Variants in NCK2 observed in about 807,000 individuals in gnomAD.
NCK2 encodes NCK adaptor protein 2.
A neutral mutation model predicts 33.9 loss-of-function variants in NCK2; 16 were observed. The observed-to-expected ratio is 0.47, with a 90% CI of 0.32 to 0.72. The LOEUF (loss-of-function observed/expected upper bound fraction) is 0.72. Among genes scored for constraint, NCK2 ranks in the 30% least tolerant of loss-of-function variants. The pLI is 0.03. For synonymous variants in NCK2, 273 were observed against 239.9 expected, an observed-to-expected ratio of 1.14 and a Z score of -1.27; for missense variants, 418 against 537.3, an observed-to-expected ratio of 0.78 and a Z score of 2.19.
chr2:105,847,871 T>C (rs1676912499), intron 2 of NCK2, among the ~76,000 whole-genome samples: 1 of 152,200 alleles, frequency 6.6e-6, no homozygotes, highest in South Asian at 2.1e-4. Context: ...TACAAGCTGA[T>C]AGCATTAGCA....
chr2:105,810,911 C>T lies in NCK2; in HGVS notation c.-200-5519C>T, dbSNP rs555098559. Among the ~76,000 whole-genome samples the T allele has an allele frequency of 3.3e-5, 5 of 152,264 alleles. No homozygotes were observed. The South Asian group carries it at 1.0e-3, about 32-fold the overall frequency. On this transcript the variant is annotated intron_variant, in intron 1 of 4. Coordinates refer to ENST00000233154, the MANE Select transcript of NCK2 (RefSeq NM_003581.5). ...CGGCTATGGGCCAGGTGCAGTGGCTCACACCTGTAATCTCAGCACTTTGGG... is the reference window on the plus strand; with the variant it reads ...CGGCTATGGGCCAGGTGCAGTGGCTTACACCTGTAATCTCAGCACTTTGGG...
chr2:105,888,707 C>T (rs532615914), intron 4 of NCK2, among the ~76,000 whole-genome samples: 15 of 152,294 alleles, frequency 9.8e-5, no homozygotes, highest in African/African-American at 3.1e-4. Context: ...GGGCAGCTTC[C>T]GAGATGGGCA....
At chr2:105,817,361 G>A (rs1020913436) in intron 2 of NCK2, among the ~76,000 whole-genome samples, 27 of 152,252 alleles carry the variant, frequency 1.8e-4, no homozygotes, top group Non-Finnish European at 3.1e-4. Flanking sequence ...ACATGTCACT[G>A]TGCAACAAAA....
chr2:105,809,989 T>C (rs1272128347), intron 1 of NCK2, among the ~76,000 whole-genome samples: 2 of 152,012 alleles, frequency 1.3e-5, no homozygotes, highest in Non-Finnish European at 2.9e-5. Context: ...GATGTCAGAA[T>C]GGGCCTGAAA....
At chr2:105,833,655 T>A (rs1676281844) in intron 2 of NCK2, among the ~76,000 whole-genome samples, 1 of 147,334 alleles carries the variant, frequency 6.8e-6, no homozygotes, top group Non-Finnish European at 1.5e-5. Flanking sequence ...TTTATTTAAT[T>A]GATTTTTTGC....
At chr2:105,751,038 A>G (rs1261777748) in intron 1 of NCK2, among the ~76,000 whole-genome samples, 2 of 152,220 alleles carry the variant, frequency 1.3e-5, no homozygotes, top group Non-Finnish European at 2.9e-5. Flanking sequence ...GACATAAGGC[A>G]GGGGCAATGC....
At chr2:105,779,691 G>A (rs994705356) in intron 1 of NCK2, among the ~76,000 whole-genome samples, 13 of 152,032 alleles carry the variant, frequency 8.6e-5, no homozygotes, top group African/African-American at 2.7e-4. Flanking sequence ...AAAGAGCTTT[G>A]ATTTTTTTTT....
At chr2:105,867,513 G>A (rs1487237392) in intron 3 of NCK2, among the ~76,000 whole-genome samples, 3 of 152,192 alleles carry the variant, frequency 2.0e-5, no homozygotes, top group African/African-American at 7.2e-5. Context: ...AGATTAGTGG[G>A]AGGATACTTC....
intron 3 of NCK2, among the ~76,000 whole-genome samples, chr2:105,876,955 A>G (rs1028268032): frequency 6.6e-6 from 1 of 152,110 alleles, no homozygotes; most frequent in African/African-American, 2.4e-5. Context: ...CCAGACATGC[A>G]TGAATCCCTG....
intron 3 of NCK2, among the ~76,000 whole-genome samples, chr2:105,857,876 C>A (rs1210065218): frequency 6.6e-6 from 1 of 152,110 alleles, no homozygotes; most frequent in Admixed American, 6.6e-5. Context: ...GAGGAGGCAC[C>A]CCCGATCAGG....
intron 3 of NCK2, among the ~76,000 whole-genome samples, chr2:105,858,058 GTT>G (rs70953539): frequency 2.8e-5 from 4 of 143,046 alleles, no homozygotes; most frequent in Admixed American, 6.9e-5. Flanking sequence ...TTTTTTTTTT[GTT>G]TTTTTTTTTG....
chr2:105,753,282 T>TA, intron 1 of NCK2, among the ~76,000 whole-genome samples: 1 of 152,186 alleles, frequency 6.6e-6, no homozygotes, highest in African/African-American at 2.4e-5. Flanking sequence ...AATGAATAAC[T>TA]GGTACCTTGG....
chr2:105,789,941 T>C (rs192770376), intron 1 of NCK2, among the ~76,000 whole-genome samples: 3 of 152,300 alleles, frequency 2.0e-5, no homozygotes, highest in Admixed American at 2.0e-4. Context: ...CACGAATGGA[T>C]GTTGTGTTTT....
rs1678492542 is a variant in NCK2, at chr2:105,881,643, G to A, written c.542G>A (p.Ser181Asn). 2 of 1,613,336 alleles carry A rather than the reference G, an allele frequency of 1.2e-6. No homozygotes were observed. Among genetic ancestry groups the A allele is most frequent in the African/African-American group, 1.3e-5 (1 of 74,938 alleles). The change falls in exon 4 of 5, where the codon AGC becomes AAC. Residue 181 changes from serine (S) to asparagine (N), a missense_variant. Physicochemically the swap from Ser to Asn is conservative, Grantham distance 46 (BLOSUM62 1). Transcript: ENST00000233154. The part of the protein sequence containing the change: ...EAAAESPSFL[S>N]LRKGASLSNG... The stretch of plus-strand genomic sequence containing the variant: ...GCTGCGGAGTCCCCAAGCTTCCTGA[G>A]CCTGCGCAAGGGCGCCTCGCTGAGC...
intron 3 of NCK2, among the ~76,000 whole-genome samples, chr2:105,870,824 A>G (rs1677968865): frequency 6.6e-6 from 1 of 152,198 alleles, no homozygotes. Context: ...AGGGTGGTTC[A>G]GGAAATAATG....
intron 2 of NCK2, among the ~76,000 whole-genome samples, chr2:105,833,900 C>A (rs1316470411): frequency 6.6e-6 from 1 of 152,094 alleles, no homozygotes; most frequent in Non-Finnish European, 1.5e-5. Flanking sequence ...TTAATTTCTT[C>A]ATTGACTCAT....
intron 1 of NCK2, among the ~76,000 whole-genome samples, chr2:105,803,176 A>G (rs1476506812): frequency 1.3e-5 from 2 of 152,188 alleles, no homozygotes; most frequent in Non-Finnish European, 2.9e-5. Context: ...TTTATCTAAG[A>G]TAGTTGTTAA....
chr2:105,828,423 A>G (rs940797874), intron 2 of NCK2, among the ~76,000 whole-genome samples: 2 of 152,216 alleles, frequency 1.3e-5, no homozygotes, highest in Admixed American at 1.3e-4. Context: ...AAAAAATGGC[A>G]CTGACCACAA....
Position 105,881,443 on chromosome 2 carries a change from C to A in NCK2, c.342C>A (p.Ile114=), listed in dbSNP as rs747636275. 1 of 1,613,620 alleles carries A rather than the reference C, an allele frequency of 6.2e-7. No homozygotes were observed. Among genetic ancestry groups the A allele is most frequent in the South Asian group, 1.1e-5 (1 of 91,084 alleles). The change falls in exon 4 of 5, where the codon ATC becomes ATA. Residue 114 remains isoleucine, a synonymous_variant. Transcript: ENST00000233154. ...SGADRIYDLN[I]PAFVKFAYVA... is the part of the protein sequence containing the mutation. ...CCGACCGCATCTACGACCTCAACAT[C>A]CCGGCCTTCGTCAAGTTCGCCTATG...
Sources: gnomAD v4.1 joint callset for allele counts (sites outside exome capture counted in the v4.1 genomes callset) on GRCh38, gnomAD v4.1.1 for gene constraint, MANE v1.5 for transcripts, NCBI Gene and HGNC (gene_info 2026-07-23, HGNC 2026-07-21) for gene names.